Variants in LAMP1 observed in about 807,000 individuals in gnomAD.
LAMP1 encodes lysosome-associated membrane glycoprotein 1.
Under a neutral mutation model 37.5 loss-of-function variants are expected in LAMP1, and 7 were observed. The ratio of observed to expected loss-of-function variants is 0.19; its 90% CI spans 0.11 to 0.35. LAMP1 has a LOEUF of 0.35. Among genes scored for constraint, LAMP1 ranks in the 10% least tolerant of loss-of-function variants. The pLI, the probability that LAMP1 is intolerant of heterozygous loss-of-function variation, is 1.00. For missense variants in LAMP1, 537 were observed against 552.8 expected (o/e 0.97, Z 0.29); for synonymous variants, 236 against 229.1 (o/e 1.03, Z -0.27).
At chr13:113,310,255 C>T (rs113675704) in intron 3 of LAMP1, among the ~76,000 whole-genome samples, 4,471 of 150,118 alleles carry the variant, frequency 0.03, 146 homozygotes, top group East Asian at 0.12. Context: ...CAGCCAGGCG[C>T]GGTGGCTCAC....
At chr13:113,311,373 A>C (rs2042630252) in intron 4 of LAMP1, among the ~76,000 whole-genome samples, 1 of 152,222 alleles carries the variant, frequency 6.6e-6, no homozygotes, top group African/African-American at 2.4e-5. Flanking sequence ...TGTATTTCAA[A>C]ACATCCTGAC....
At chr13:113,300,275 G>A (rs1265569660) in intron 1 of LAMP1, among the ~76,000 whole-genome samples, 1 of 152,006 alleles carries the variant, frequency 6.6e-6, no homozygotes, top group African/African-American at 2.4e-5. Flanking sequence ...GAAGTCAGGG[G>A]TTTGAGACCA....
Position 113,321,785 on chromosome 13 carries a change from C to T in LAMP1, c.1114+58C>T. ...GTGGAGGACGTGCTTCAGACTCCGC[C>T]TGTGGACGTTTAGTCGCTTCCGTGT... On this transcript the variant is annotated intron_variant, in intron 8 of 8. Transcript: ENST00000332556. This position sits in a 1 kb window ranked among gnomAD's most constrained non-coding sequence, Gnocchi z 5.6. The T allele has an allele frequency of 6.5e-7, 1 of 1,549,960 alleles. No individual in the cohort carries two copies. Among genetic ancestry groups the T allele is most frequent in the Non-Finnish European group, 8.8e-7 (1 of 1,132,116 alleles).
At chr13:113,315,467 G>A (rs2042658161) in intron 4 of LAMP1, among the ~76,000 whole-genome samples, 1 of 132,782 alleles carries the variant, frequency 7.5e-6, no homozygotes, top group Admixed American at 9.4e-5. Flanking sequence ...TCGGCTCACT[G>A]CAACCTCTGC....
Position 113,321,683 on chromosome 13 carries a change from T to C in LAMP1, c.1070T>C (p.Val357Ala), listed in dbSNP as rs2042701278. 1.9e-6 allele frequency: 3 copies of C among 1,613,978 alleles called. No homozygotes were observed. The South Asian group carries it at 3.3e-5, about 18-fold the overall frequency. Residue 357 changes from valine (V) to alanine (A), a missense_variant, in exon 8 of 9, where the codon GTG becomes GCG. Val to Ala is a moderately conservative substitution (Grantham distance 64, BLOSUM62 0). Transcript: ENST00000332556. This position sits in a 1 kb window ranked among gnomAD's most constrained non-coding sequence, Gnocchi z 5.6. Reference sequence around the variant, plus strand: ...GCGTTTTCAGTCAATATATTCAAAGTGTGGGTCCAGGCTTTCAAGGTGGAA... The same window carrying C: ...GCGTTTTCAGTCAATATATTCAAAGCGTGGGTCCAGGCTTTCAAGGTGGAA... ...TKAFSVNIFK[V>A]WVQAFKVEGG...
In LAMP1 at chr13:113,322,472, G is replaced by T. The variant is rs764698401; in HGVS notation, c.*51G>T. ...GCAGGGGCCTCTGTTCCTTTCTCTG[G>T]GCTTAGGGTCCTGTCGAAGGGGAGG... On this transcript the variant is annotated 3_prime_UTR_variant, in exon 9 of 9. Transcript: ENST00000332556. 215 of 1,541,412 alleles carry T rather than the reference G, an allele frequency of 1.4e-4. No individual in the cohort carries two copies. Among genetic ancestry groups the T allele is most frequent in the Non-Finnish European group, 1.8e-4 (209 of 1,138,294 alleles).
At chr13:113,319,902 A>G (rs2042688118) in intron 5 of LAMP1, among the ~76,000 whole-genome samples, 1 of 152,268 alleles carries the variant, frequency 6.6e-6, no homozygotes, top group South Asian at 2.1e-4. Flanking sequence ...CCTATTGGGC[A>G]GTGTGGCCCA....
In LAMP1 at chr13:113,320,356, G is replaced by A. The variant is rs1217968254; in HGVS notation, c.762G>A (p.Arg254=). 6.2e-7 allele frequency: 1 copy of A among 1,614,012 alleles called. No individual in the cohort carries two copies. ...YERKDNTTVT[R]LLNINPNKTS... ...CTTGTCTTATGCAGACGGTGACAAG[G>A]CTTCTCAACATCAACCCCAACAAGA... Residue 254 remains arginine (R), a synonymous_variant, in exon 6 of 9, where the codon AGG becomes AGA. Coordinates refer to ENST00000332556, the MANE Select transcript of LAMP1 (RefSeq NM_005561.4). This position sits in a 1 kb window ranked among gnomAD's most constrained non-coding sequence, Gnocchi z 4.4.
intron 4 of LAMP1, among the ~76,000 whole-genome samples, chr13:113,312,774 A>T (rs2042637345): frequency 1.3e-5 from 2 of 152,098 alleles, no homozygotes; most frequent in South Asian, 4.1e-4. Context: ...CGTGTGTCTG[A>T]GGACGGACGC....
intron 5 of LAMP1, 36 bp downstream of exon 5, chr13:113,319,692 C>A: frequency 6.3e-7 from 1 of 1,584,644 alleles, no homozygotes; most frequent in Admixed American, 1.7e-5. Flanking sequence ...AGGGGGACGG[C>A]ACGGTAGGGC....
Position 113,319,373 on chromosome 13 carries a change from C to T in LAMP1, c.563-96C>T, listed in dbSNP as rs185845308. On this transcript the variant is annotated intron_variant, in intron 4 of 8. Coordinates refer to ENST00000332556, the MANE Select transcript of LAMP1 (RefSeq NM_005561.4). ...AAATAGTCACCAAGGACGCCAGAGTCCACAGATGTAGTTTTGTTTCTGAGT... is the reference window on the plus strand; with the variant it reads ...AAATAGTCACCAAGGACGCCAGAGTTCACAGATGTAGTTTTGTTTCTGAGT... The T allele has an allele frequency of 2.3e-3, 2,529 of 1,123,118 alleles. 12 individuals carry two copies. Among genetic ancestry groups the T allele is most frequent in the Non-Finnish European group, 2.7e-3 (2,141 of 790,492 alleles). The allele number at this position is 1,123,118 out of a possible 1,614,324, so 69.6% of individuals were successfully genotyped here.
At chr13:113,300,202 T>C (rs1215380769) in intron 1 of LAMP1, among the ~76,000 whole-genome samples, 2 of 152,154 alleles carry the variant, frequency 1.3e-5, no homozygotes, top group Non-Finnish European at 2.9e-5. Context: ...TATACTCGGC[T>C]GGGTGCAGTG....
chr13:113,320,147 C>G lies in LAMP1; in HGVS notation c.751-198C>G, dbSNP rs921028894. Among the ~76,000 whole-genome samples, 2 of 152,178 alleles carry G rather than the reference C, an allele frequency of 1.3e-5. No homozygotes were observed. Among genetic ancestry groups the G allele is most frequent in the African/African-American group, 4.8e-5 (2 of 41,446 alleles). ...GCCCTCCACGCGGGGACGCTGCACT[C>G]CAAGAGCAGCTGTCACGGGGTCAGG... On this transcript the variant is annotated intron_variant, in intron 5 of 8. Coordinates refer to ENST00000332556, the MANE Select transcript of LAMP1 (RefSeq NM_005561.4). The surrounding 1 kb of genome is among the most constrained non-coding windows in gnomAD (Gnocchi z 4.4).
intron 2 of LAMP1, among the ~76,000 whole-genome samples, chr13:113,308,107 C>T (rs1178644823): frequency 6.6e-6 from 1 of 152,066 alleles, no homozygotes; most frequent in East Asian, 1.9e-4. Context: ...TTCCACCTCC[C>T]AGGTTTGAGT....
At chr13:113,319,216 C>A (rs533114495) in intron 4 of LAMP1, among the ~76,000 whole-genome samples, 2 of 152,212 alleles carry the variant, frequency 1.3e-5, no homozygotes, top group Admixed American at 6.5e-5. Context: ...GCAGAACCGT[C>A]CTGGGTAGTG....
At position 113,320,577 on chromosome 13, in the gene LAMP1, C is replaced by G; in HGVS notation, c.876+107C>G. ...GGCAGCGTTAGGAAGGAGGCGGCCTCACTTTTTTCTGCCTTCCCTTTATCC... is the reference window on the plus strand; with the variant it reads ...GGCAGCGTTAGGAAGGAGGCGGCCTGACTTTTTTCTGCCTTCCCTTTATCC... On this transcript the variant is annotated intron_variant, in intron 6 of 8. Coordinates refer to ENST00000332556, the MANE Select transcript of LAMP1 (RefSeq NM_005561.4). This position sits in a 1 kb window ranked among gnomAD's most constrained non-coding sequence, Gnocchi z 4.4. The G allele has an allele frequency of 1.6e-6, 2 of 1,242,080 alleles. No homozygotes were observed. Among genetic ancestry groups the G allele is most frequent in the Non-Finnish European group, 2.2e-6 (2 of 903,856 alleles). The allele number at this position is 1,242,080 out of a possible 1,614,324, so 76.9% of individuals were successfully genotyped here. A position where few individuals can be genotyped will look rare whatever the true frequency, so the allele number is the denominator to read the frequency against.
chr13:113,318,767 C>T lies in LAMP1; in HGVS notation c.563-702C>T, dbSNP rs181487791. ...CACCCACACTCACTGCCTTCTCCCTCGTGAGGATGCTTGCCCATCCCCCAC... is the reference window on the plus strand; with the variant it reads ...CACCCACACTCACTGCCTTCTCCCTTGTGAGGATGCTTGCCCATCCCCCAC... On this transcript the variant is annotated intron_variant, in intron 4 of 8. Coordinates refer to ENST00000332556, the MANE Select transcript of LAMP1 (RefSeq NM_005561.4). Among the ~76,000 whole-genome samples the T allele has an allele frequency of 1.3e-4, 20 of 152,174 alleles. No homozygotes were observed. In the East Asian group the frequency reaches 3.3e-3, roughly 25 times the overall value.
At chr13:113,314,866 A>G (rs995403317) in intron 4 of LAMP1, among the ~76,000 whole-genome samples, 2 of 125,498 alleles carry the variant, frequency 1.6e-5, no homozygotes, top group Non-Finnish European at 3.3e-5. Flanking sequence ...CAGTGTGGAG[A>G]TGCCAGTGTG....
chr13:113,316,166 C>T (rs1232225621), intron 4 of LAMP1, among the ~76,000 whole-genome samples: 1 of 152,188 alleles, frequency 6.6e-6, no homozygotes, highest in Admixed American at 6.5e-5. Context: ...GCAGCTCTGC[C>T]TGAGGCTGGA....
Sources: gnomAD v4.1 joint callset for allele counts (sites outside exome capture counted in the v4.1 genomes callset) on GRCh38, gnomAD v4.1.1 for gene constraint, Gnocchi (gnomAD v3.1) non-coding constraint, MANE v1.5 for transcripts, NCBI Gene and HGNC (gene_info 2026-07-23, HGNC 2026-07-21) for gene names.